Variants in ASB1 observed in about 807,000 individuals in gnomAD.
ASB1 encodes the protein ankyrin repeat and SOCS box containing 1, also known as ankyrin repeat and SOCS box protein 1.
A neutral mutation model predicts 27.7 loss-of-function variants in ASB1; 18 were observed. That is an observed-to-expected ratio of 0.65 (90% CI 0.45 to 0.96). The LOEUF is 0.96. Ranked by LOEUF, ASB1 falls within the 50% of genes least tolerant of loss-of-function variation. ASB1 has a pLI of 0.00. For synonymous variants in ASB1, 189 were observed against 187.6 expected (o/e 1.01, Z -0.06); for missense variants, 397 against 451.7 (o/e 0.88, Z 1.10).
intron 1 of ASB1, 109 bp from the exon 2 acceptor site, chr2:238,433,445 A>G: frequency 7.6e-7 from 1 of 1,319,702 alleles, no homozygotes; most frequent in Non-Finnish European, 1.0e-6. Context: ...TGAGCATTTG[A>G]AGGTGCCCCG....
intron 2 of ASB1, 84 bp downstream of exon 2, chr2:238,433,779 T>C: frequency 6.7e-7 from 1 of 1,483,392 alleles, no homozygotes; most frequent in South Asian, 1.2e-5. Flanking sequence ...GCTGTGCAGA[T>C]GAAGACCTTG....
chr2:238,435,685 T>C (rs1258937852), intron 2 of ASB1, 26 bp from the exon 3 acceptor site: 1 of 1,593,798 alleles, frequency 6.3e-7, no homozygotes, highest in South Asian at 1.1e-5. Context: ...CTGCCTCTCA[T>C]GAGCCCCCTT....
intron 1 of ASB1, among the ~76,000 whole-genome samples, chr2:238,430,889 A>C (rs746971464): frequency 6.6e-6 from 1 of 152,248 alleles, no homozygotes; most frequent in Non-Finnish European, 1.5e-5. Context: ...ATTGGGCTGA[A>C]AATATTCACT....
At position 238,451,078 on chromosome 2, in the gene ASB1, A is replaced by G. The variant is rs1702274907; in HGVS notation, c.*4567A>G. On this transcript the variant is annotated 3_prime_UTR_variant, in exon 5 of 5. Transcript: ENST00000264607. ...TGTGGAATGAACGCTCCAAACCCGAACCTCTCAGTGTGGAATGAAACAGTT... is the reference window on the plus strand; with the variant it reads ...TGTGGAATGAACGCTCCAAACCCGAGCCTCTCAGTGTGGAATGAAACAGTT... The G allele has an allele frequency of 1.2e-5, 1 of 83,836 alleles. No individual in the cohort carries two copies. The highest frequency in any genetic ancestry group is 3.4e-5 in the African/African-American group (1 of 29,348). The allele number at this position is 83,836 out of a possible 1,614,324, so 5.2% of individuals were successfully genotyped here.
intron 1 of ASB1, among the ~76,000 whole-genome samples, chr2:238,430,735 T>C (rs1048540150): frequency 6.6e-6 from 1 of 152,230 alleles, no homozygotes; most frequent in Non-Finnish European, 1.5e-5. Context: ...GACTCCTTGA[T>C]CCATTGGCTG....
At position 238,447,970 on chromosome 2, in the gene ASB1, A is replaced by C. The variant is rs1284700423; in HGVS notation, c.*1459A>C. ...CCCCAGCTGACCCGTGTATGTGCAG[A>C]TGCAGTTCCGAAGGGAAGAACAGTC... On this transcript the variant is annotated 3_prime_UTR_variant, in exon 5 of 5. Coordinates refer to ENST00000264607, the MANE Select transcript of ASB1 (RefSeq NM_001040445.3). The C allele has an allele frequency of 6.6e-6, 1 of 152,294 alleles. No homozygotes were observed. The highest frequency in any genetic ancestry group is 2.4e-5 in the African/African-American group (1 of 41,456). 9.4% of individuals were successfully genotyped at this position (152,294 alleles called of 1,614,324 possible). A position where few individuals can be genotyped will look rare whatever the true frequency, so the allele number is the denominator to read the frequency against.
intron 3 of ASB1, among the ~76,000 whole-genome samples, chr2:238,444,127 GA>G (rs1702130139): frequency 1.3e-5 from 2 of 152,168 alleles, no homozygotes; most frequent in South Asian, 4.1e-4. Context: ...CTTCCCTTAG[GA>G]ATTTTTCTGT....
At chr2:238,444,183 C>G (rs1169716009) in intron 3 of ASB1, among the ~76,000 whole-genome samples, 159 bp from the exon 4 acceptor site, 1 of 152,172 alleles carries the variant, frequency 6.6e-6, no homozygotes, top group African/African-American at 2.4e-5. Flanking sequence ...TCTTGCTGAA[C>G]GTAGTGAAGC....
chr2:238,444,422 T>TG lies in ASB1; in HGVS notation c.577dup (p.Val193GlyfsTer27), dbSNP rs754114725. The TG allele has an allele frequency of 5.0e-6, 8 of 1,614,000 alleles. No homozygotes were observed. The highest frequency in any genetic ancestry group is 6.8e-6 in the Non-Finnish European group (8 of 1,179,930). On this transcript the variant is annotated frameshift_variant, in exon 4 of 5. Coordinates refer to ENST00000264607, the MANE Select transcript of ASB1 (RefSeq NM_001040445.3). LOFTEE classifies it high-confidence loss of function. Reference sequence around the variant, plus strand: ...TTCTCCCGGCGGCTCACCTCCTTGGTGGTCTGCCCCTTGTACATCAGCGCA... The same window carrying TG: ...TTCTCCCGGCGGCTCACCTCCTTGGTGGGTCTGCCCCTTGTACATCAGCGCA...
intron 1 of ASB1, among the ~76,000 whole-genome samples, chr2:238,431,530 C>G (rs918398135): frequency 1.3e-5 from 2 of 152,192 alleles, no homozygotes; most frequent in Non-Finnish European, 2.9e-5. Flanking sequence ...GCTCTTTTTC[C>G]TTTGCATTCA....
At chr2:238,446,327 A>G in intron 4 of ASB1, 57 bp from the exon 5 acceptor site, 3 of 1,528,588 alleles carry the variant, frequency 2.0e-6, no homozygotes, top group Non-Finnish European at 1.8e-6. Context: ...TTTTCTCTCT[A>G]TAACTGGAAT....
chr2:238,441,382 G>T (rs1021657530), intron 3 of ASB1, among the ~76,000 whole-genome samples: 1 of 152,254 alleles, frequency 6.6e-6, no homozygotes, highest in Middle Eastern at 3.4e-3. Context: ...TGATCTGCCT[G>T]CCTTGGCCTC....
chr2:238,427,100 G>T lies in ASB1; in HGVS notation c.30G>T (p.Arg10=). MAEGGSPDG[R]AGPGSAGRNL... ...CGGAGGGCGGCAGCCCAGACGGGCG[G>T]GCAGGGCCGGGCTCCGCAGGTAACG... The change falls in exon 1 of 5, where the codon CGG becomes CGT. Residue 10 remains arginine, a synonymous_variant. Coordinates refer to ENST00000264607, the MANE Select transcript of ASB1 (RefSeq NM_001040445.3). The T allele has an allele frequency of 7.9e-7, 1 of 1,258,846 alleles. No individual in the cohort carries two copies. The highest frequency in any genetic ancestry group is 3.0e-5 in the South Asian group (1 of 33,760). The allele number at this position is 1,258,846 out of a possible 1,614,324, so 78.0% of individuals were successfully genotyped here.
At chr2:238,427,337 C>T in intron 1 of ASB1, 1 of 377,634 alleles carries the variant, frequency 2.6e-6, no homozygotes, top group Non-Finnish European at 4.7e-6. Context: ...GCCTCGAGTG[C>T]AGTCCCCGCG....
At chr2:238,442,097 A>G (rs1411588091) in intron 3 of ASB1, among the ~76,000 whole-genome samples, 3 of 151,488 alleles carry the variant, frequency 2.0e-5, no homozygotes, top group Non-Finnish European at 4.4e-5. Flanking sequence ...GCTAAGAGCC[A>G]TTTGTAGCTG....
chr2:238,443,684 C>A (rs1702121479), intron 3 of ASB1, among the ~76,000 whole-genome samples: 1 of 150,508 alleles, frequency 6.6e-6, no homozygotes, highest in African/African-American at 2.5e-5. Context: ...CCATCACTTT[C>A]TGTTTTCTTG....
intron 1 of ASB1, among the ~76,000 whole-genome samples, chr2:238,428,298 C>CT (rs1306822294): frequency 1.3e-5 from 2 of 151,478 alleles, no homozygotes; most frequent in Admixed American, 6.6e-5. Context: ...CACAGGTCTC[C>CT]TTTTTTTTTG....
In ASB1 at chr2:238,446,771, C is replaced by T. The variant is rs1215927031; in HGVS notation, c.*260C>T. ...GATTTTCAGTTGCATATTAATGTAA[C>T]GGGCCATGGGGTATGTACATGTAGG... On this transcript the variant is annotated 3_prime_UTR_variant, in exon 5 of 5. Transcript: ENST00000264607. 23 of 450,812 alleles carry T rather than the reference C, an allele frequency of 5.1e-5. No homozygotes were observed. The highest frequency in any genetic ancestry group is 2.6e-4 in the Admixed American group (7 of 27,398). The allele number at this position is 450,812 out of a possible 1,614,324, so 27.9% of individuals were successfully genotyped here. A position where few individuals can be genotyped will look rare whatever the true frequency, so the allele number is the denominator to read the frequency against.
chr2:238,452,182 A>G lies in ASB1; in HGVS notation c.*5671A>G, dbSNP rs1702299289. 6.6e-6 allele frequency: 1 copy of G among 152,144 alleles called. No homozygotes were observed. Among genetic ancestry groups the G allele is most frequent in the Admixed American group, 6.6e-5 (1 of 15,266 alleles). 9.4% of individuals were successfully genotyped at this position (152,144 alleles called of 1,614,324 possible). On this transcript the variant is annotated 3_prime_UTR_variant, in exon 5 of 5. Coordinates refer to ENST00000264607, the MANE Select transcript of ASB1 (RefSeq NM_001040445.3). Reference sequence around the variant, plus strand: ...GACCTGTTTTGACGGTGGGAGGGTGAGATGTGAAGATGTGGGATGAACCTG... The same window carrying G: ...GACCTGTTTTGACGGTGGGAGGGTGGGATGTGAAGATGTGGGATGAACCTG...
Sources: allele counts gnomAD v4.1 joint callset (sites outside exome capture counted in the v4.1 genomes callset), GRCh38; gene constraint gnomAD v4.1.1; transcripts MANE v1.5; gene names NCBI Gene and HGNC (gene_info 2026-07-23, HGNC 2026-07-21).